CD8B2: variants seen among roughly 807,000 people sequenced by gnomAD.
CD8B2 encodes CD8B family member 2, also known as T-cell surface glycoprotein CD8 beta-2 chain.
In CD8B2, 11 loss-of-function variants were observed where a neutral mutation model predicts 23.7. The observed-to-expected ratio is 0.46, with a 90% CI of 0.29 to 0.77. The LOEUF is 0.77. Among genes scored for constraint, CD8B2 ranks in the 30% least tolerant of loss-of-function variants. The pLI is 0.09. For missense variants in CD8B2, 197 were observed against 270.5 expected (o/e 0.73, Z 1.91); for synonymous variants, 90 against 109.3 (o/e 0.82, Z 1.10).
At chr2:106,518,268 C>T (rs970075522) in intron 5 of CD8B2, among the ~76,000 whole-genome samples, 4 of 152,102 alleles carry the variant, frequency 2.6e-5, no homozygotes, top group African/African-American at 7.2e-5. Flanking sequence ...GGATTAATTA[C>T]GGCAGCTTTG....
chr2:106,506,585 C>A (rs542004426), intron 5 of CD8B2, among the ~76,000 whole-genome samples: 55 of 150,900 alleles, frequency 3.6e-4, no homozygotes, highest in African/African-American at 1.2e-3. Flanking sequence ...TGTTCCCCAG[C>A]CTCTAACTGT....
chr2:106,507,005 A>G lies in CD8B2; in HGVS notation c.*65A>G, dbSNP rs931077283. 28 of 1,533,032 alleles carry G rather than the reference A, an allele frequency of 1.8e-5. No individual in the cohort carries two copies. The highest frequency in any genetic ancestry group is 2.1e-5 in the Non-Finnish European group (24 of 1,139,426). 95.0% of individuals were successfully genotyped at this position (1,533,032 alleles called of 1,614,324 possible). A position where few individuals can be genotyped will look rare whatever the true frequency, so the allele number is the denominator to read the frequency against. Reference sequence around the variant, plus strand: ...TCGGTCAGTAACGAGCACGATGTGGAAAAATGAGAGAAGGGACACATTCAA... The same window carrying G: ...TCGGTCAGTAACGAGCACGATGTGGGAAAATGAGAGAAGGGACACATTCAA... On this transcript the variant is annotated 3_prime_UTR_variant, in exon 6 of 6. Transcript: ENST00000643224.
chr2:106,516,100 G>A lies in CD8B2; in HGVS notation c.620+11775G>A, dbSNP rs373181952. The stretch of plus-strand genomic sequence containing the variant: ...CCGCCTTGGCCTCCCAAAGTACTGG[G>A]ATTACAGGCGTGAGCCACTGCACTG... On this transcript the variant is annotated intron_variant, in intron 5 of 5. Coordinates refer to the CD8B2 transcript ENST00000416057. Among the ~76,000 whole-genome samples the A allele has an allele frequency of 2.0e-5, 3 of 152,108 alleles. No individual in the cohort carries two copies. The East Asian group carries it at 5.8e-4, about 29-fold the overall frequency.
chr2:106,519,674 G>GT (rs1408000982), intron 5 of CD8B2, among the ~76,000 whole-genome samples: 3 of 152,162 alleles, frequency 2.0e-5, no homozygotes, highest in Non-Finnish European at 4.4e-5. Flanking sequence ...GTCCACCTTC[G>GT]TGTAACACAG....
At chr2:106,540,501 C>A (rs1026694032) in intron 5 of CD8B2, among the ~76,000 whole-genome samples, 9 of 152,152 alleles carry the variant, frequency 5.9e-5, no homozygotes, top group African/African-American at 2.2e-4. Context: ...AGGCAAACCC[C>A]CTGCTTTCAG....
Position 106,510,650 on chromosome 2 carries a change from T to G in CD8B2, c.*3710T>G, listed in dbSNP as rs545398470. ...GGGAGGATGAGGTGGGAGGATCTCCTGAGCCCAGGAGTTTGAGACTGCAGT... is the reference window on the plus strand; with the variant it reads ...GGGAGGATGAGGTGGGAGGATCTCCGGAGCCCAGGAGTTTGAGACTGCAGT... On this transcript the variant is annotated 3_prime_UTR_variant, in exon 6 of 6. Transcript: ENST00000643224. 2 of 152,160 alleles carry G rather than the reference T, an allele frequency of 1.3e-5. No individual in the cohort carries two copies. The highest frequency in any genetic ancestry group is 2.9e-5 in the Non-Finnish European group (2 of 68,042). 9.4% of individuals were successfully genotyped at this position (152,160 alleles called of 1,614,324 possible).
intron 5 of CD8B2, among the ~76,000 whole-genome samples, chr2:106,536,390 A>G (rs1680089648): frequency 6.6e-6 from 1 of 152,110 alleles, no homozygotes; most frequent in Admixed American, 6.5e-5. Flanking sequence ...ACAGCAGCAA[A>G]GGGAGAAATC....
chr2:106,505,276 G>T (rs1436949702), intron 5 of CD8B2, among the ~76,000 whole-genome samples: 6 of 152,134 alleles, frequency 3.9e-5, no homozygotes, highest in Non-Finnish European at 8.8e-5. Context: ...ATGTTTGGGG[G>T]AGCAAAAGTA....
rs370669513 is a variant in CD8B2, at chr2:106,509,827, T to A, written c.*2887T>A. 3.3e-4 allele frequency: 50 copies of A among 152,352 alleles called. No homozygotes were observed. The highest frequency in any genetic ancestry group is 1.1e-3 in the African/African-American group (47 of 41,590). 9.4% of individuals were successfully genotyped at this position (152,352 alleles called of 1,614,324 possible). A position where few individuals can be genotyped will look rare whatever the true frequency, so the allele number is the denominator to read the frequency against. On this transcript the variant is annotated 3_prime_UTR_variant, in exon 6 of 6. Transcript: ENST00000643224. Reference sequence around the variant, plus strand: ...GCTATCTTTTGACTAGCAGTTCCACTTGTTGGCATTTATCTGAAAGAAATA... The same window carrying A: ...GCTATCTTTTGACTAGCAGTTCCACATGTTGGCATTTATCTGAAAGAAATA...
chr2:106,502,353 A>G (rs1387059292), intron 3 of CD8B2, 121 bp from the exon 4 acceptor site: 82 of 599,474 alleles, frequency 1.4e-4, no homozygotes, highest in Non-Finnish European at 1.3e-4. Context: ...TCGAAATACA[A>G]ATGGTGGTAT....
intron 5 of CD8B2, among the ~76,000 whole-genome samples, chr2:106,516,238 A>T (rs1198526110): frequency 2.6e-5 from 4 of 152,140 alleles, no homozygotes; most frequent in Non-Finnish European, 5.9e-5. Context: ...CAGCAGCACC[A>T]GGGGGACATC....
chr2:106,539,183 G>A (rs2104577374), intron 5 of CD8B2, among the ~76,000 whole-genome samples: 1 of 152,308 alleles, frequency 6.6e-6, no homozygotes, highest in East Asian at 1.9e-4. Flanking sequence ...AGTGCCTGGT[G>A]CCCCCACAGC....
chr2:106,490,782 C>A (rs1251002447), intron 1 of CD8B2, 92 bp from the exon 2 acceptor site: 2 of 1,525,492 alleles, frequency 1.3e-6, no homozygotes, highest in African/African-American at 2.8e-5. Flanking sequence ...TCTTCCATGG[C>A]TTTTCCTTTG....
intron 5 of CD8B2, among the ~76,000 whole-genome samples, chr2:106,527,418 C>T (rs1470252746): frequency 2.0e-5 from 3 of 152,210 alleles, no homozygotes; most frequent in Non-Finnish European, 4.4e-5. Context: ...TGAAGAATGC[C>T]TTTTAAGCAA....
At chr2:106,531,725 G>A (rs889014173) in intron 5 of CD8B2, among the ~76,000 whole-genome samples, 4 of 152,138 alleles carry the variant, frequency 2.6e-5, no homozygotes, top group African/African-American at 9.7e-5. Context: ...TCTCCCATGG[G>A]CATTCCAGTC....
rs1679593789 is a variant in CD8B2, at chr2:106,510,051, A to C, written c.*3111A>C. On this transcript the variant is annotated 3_prime_UTR_variant, in exon 6 of 6. Coordinates refer to ENST00000643224, the MANE Select transcript of CD8B2 (RefSeq NM_001349727.2). Reference sequence around the variant, plus strand: ...TATATGCTGATATCAAATGATGGTCATGACAAATGCATATATTTTTAAAAC... The same window carrying C: ...TATATGCTGATATCAAATGATGGTCCTGACAAATGCATATATTTTTAAAAC... 2 of 152,240 alleles carry C rather than the reference A, an allele frequency of 1.3e-5. No individual in the cohort carries two copies. The highest frequency in any genetic ancestry group is 2.4e-5 in the African/African-American group (1 of 41,478). 9.4% of individuals were successfully genotyped at this position (152,240 alleles called of 1,614,324 possible). A position where few individuals can be genotyped will look rare whatever the true frequency, so the allele number is the denominator to read the frequency against.
intron 5 of CD8B2, among the ~76,000 whole-genome samples, chr2:106,517,306 G>A (rs1246846350): frequency 1.3e-5 from 2 of 151,856 alleles, no homozygotes; most frequent in East Asian, 1.9e-4. Flanking sequence ...CTCTATTCGG[G>A]ACCCCATTTC....
In CD8B2 at chr2:106,510,019, A is replaced by G. The variant is rs1679593432; in HGVS notation, c.*3079A>G. On this transcript the variant is annotated 3_prime_UTR_variant, in exon 6 of 6. Transcript: ENST00000643224. ...TTAGGCGGCTGCTAAGGAATGAGCT[A>G]GATCCATATATGCTGATATCAAATG... is the stretch of plus-strand genomic sequence containing the variant. 1 of 152,260 alleles carries G rather than the reference A, an allele frequency of 6.6e-6. No individual in the cohort carries two copies. Among genetic ancestry groups the G allele is most frequent in the Non-Finnish European group, 1.5e-5 (1 of 68,048 alleles). 9.4% of individuals were successfully genotyped at this position (152,260 alleles called of 1,614,324 possible). A position where few individuals can be genotyped will look rare whatever the true frequency, so the allele number is the denominator to read the frequency against.
intron 1 of CD8B2, among the ~76,000 whole-genome samples, 197 bp downstream of exon 1, chr2:106,487,666 G>A (rs987109396): frequency 3.3e-5 from 5 of 152,122 alleles, no homozygotes; most frequent in African/African-American, 1.2e-4. Context: ...TTACCCCGGG[G>A]GACCGGAGAG....
Sources: gnomAD v4.1 joint callset for allele counts (sites outside exome capture counted in the v4.1 genomes callset) on GRCh38, gnomAD v4.1.1 for gene constraint, MANE v1.5 for transcripts, NCBI Gene and HGNC (gene_info 2026-07-23, HGNC 2026-07-21) for gene names.